Variants in SLCO3A1 observed in about 807,000 individuals in gnomAD.
SLCO3A1 encodes the protein PGE1 transporter.
A neutral mutation model predicts 63.1 loss-of-function variants in SLCO3A1; 27 were observed. That is an observed-to-expected ratio of 0.43 (90% CI 0.32 to 0.59). The LOEUF is 0.59. Among genes scored for constraint, SLCO3A1 ranks in the 20% least tolerant of loss-of-function variants. The pLI is 0.09. For missense variants in SLCO3A1, 773 were observed against 945.8 expected, an observed-to-expected ratio of 0.82 and a Z score of 2.40; for synonymous variants, 473 against 409.9, an observed-to-expected ratio of 1.15 and a Z score of -1.86.
At chr15:92,011,166 C>G (rs1382583236) in intron 2 of SLCO3A1, among the ~76,000 whole-genome samples, 2 of 152,328 alleles carry the variant, frequency 1.3e-5, no homozygotes, top group East Asian at 1.9e-4. Flanking sequence ...CGGGCAGGGT[C>G]CTATCCCATG....
rs772562559 is a variant in SLCO3A1, at chr15:91,916,245, G to C, written c.433G>C (p.Glu145Gln). The part of the protein sequence containing the change: ...YEAGEIRWGA[E>Q]GRDVCAANGS... ...GGCGGGCGAGATCCGCTGGGGCGCC[G>C]AGGGCCGCGACGTCTGCGCAGCCAA... is the stretch of plus-strand genomic sequence containing the variant. The change falls in exon 2 of 10, where the codon GAG (glutamate) becomes CAG (glutamine). Residue 145 changes from glutamate (E) to glutamine (Q), a missense_variant. Glu to Gln is a conservative substitution (Grantham distance 29). This residue lies in a region of SLCO3A1 where 565 missense variants were observed against 749.8 expected (regional missense o/e 0.75). Coordinates refer to ENST00000318445, the MANE Select transcript of SLCO3A1 (RefSeq NM_013272.4). The surrounding 1 kb of genome is among the most constrained non-coding windows in gnomAD (Gnocchi z 6.2). 1 of 1,566,364 alleles carries C rather than the reference G, an allele frequency of 6.4e-7. No homozygotes were observed. Among genetic ancestry groups the C allele is most frequent in the East Asian group, 2.4e-5 (1 of 41,950 alleles).
intron 2 of SLCO3A1, among the ~76,000 whole-genome samples, chr15:92,053,914 G>A (rs1013406873): frequency 6.6e-6 from 1 of 151,964 alleles, no homozygotes; most frequent in Non-Finnish European, 1.5e-5. Flanking sequence ...AGGAAGTCAC[G>A]GTGTGCAGCC....
chr15:91,946,712 A>G (rs1476701619), intron 2 of SLCO3A1, among the ~76,000 whole-genome samples: 5 of 152,176 alleles, frequency 3.3e-5, no homozygotes, highest in Admixed American at 3.3e-4. Context: ...TATGTCTATG[A>G]TGCAGTTACA....
intron 4 of SLCO3A1, among the ~76,000 whole-genome samples, chr15:92,109,186 G>T (rs559816507): frequency 9.2e-5 from 14 of 152,134 alleles, no homozygotes; most frequent in African/African-American, 3.4e-4. Flanking sequence ...AGGAGGCATC[G>T]GTACCACTTA....
At chr15:92,117,488 A>G (rs888318839) in intron 4 of SLCO3A1, among the ~76,000 whole-genome samples, 4 of 152,198 alleles carry the variant, frequency 2.6e-5, no homozygotes, top group African/African-American at 7.2e-5. Context: ...GACATTGGCA[A>G]TGTTTCCAGA....
chr15:91,991,575 C>T (rs924995595), intron 2 of SLCO3A1, among the ~76,000 whole-genome samples: 13 of 152,056 alleles, frequency 8.5e-5, no homozygotes, highest in Admixed American at 8.5e-4. Context: ...TTCTAGTAGC[C>T]ATGTTTCAAA....
intron 1 of SLCO3A1, among the ~76,000 whole-genome samples, chr15:91,913,334 A>G (rs1898543285): frequency 6.6e-6 from 1 of 152,210 alleles, no homozygotes; most frequent in African/African-American, 2.4e-5. Flanking sequence ...GACCCCCAAT[A>G]ATGGGTGTCA....
intron 2 of SLCO3A1, among the ~76,000 whole-genome samples, chr15:92,038,021 C>T (rs1597246951): frequency 6.6e-6 from 1 of 152,286 alleles, no homozygotes; most frequent in Middle Eastern, 3.4e-3. Context: ...GTGCTCCTTA[C>T]TAAAATGATT....
chr15:91,924,766 G>T (rs2056635874), intron 2 of SLCO3A1, among the ~76,000 whole-genome samples: 1 of 152,152 alleles, frequency 6.6e-6, no homozygotes, highest in African/African-American at 2.4e-5. Flanking sequence ...TCCCAGGATT[G>T]GAAAGAAATG....
At chr15:91,975,505 TGA>T (rs1901068640) in intron 2 of SLCO3A1, among the ~76,000 whole-genome samples, 1 of 152,176 alleles carries the variant, frequency 6.6e-6, no homozygotes, top group Admixed American at 6.5e-5. Flanking sequence ...ACACACTTGG[TGA>T]GAGCCCTGCT....
At chr15:92,085,760 C>G (rs111971263) in intron 2 of SLCO3A1, among the ~76,000 whole-genome samples, 7 of 152,338 alleles carry the variant, frequency 4.6e-5, no homozygotes, top group East Asian at 1.9e-4. Flanking sequence ...ATCTCCTCCC[C>G]ACCTGTCCCC....
At chr15:91,997,984 A>G (rs1457943362) in intron 2 of SLCO3A1, among the ~76,000 whole-genome samples, 1 of 152,248 alleles carries the variant, frequency 6.6e-6, no homozygotes, top group Non-Finnish European at 1.5e-5. Flanking sequence ...ATCAAAAGCA[A>G]TTGAAACAAA....
At chr15:91,922,196 G>GCA (rs71156620) in intron 2 of SLCO3A1, among the ~76,000 whole-genome samples, 2 of 151,320 alleles carry the variant, frequency 1.3e-5, no homozygotes, top group South Asian at 2.1e-4. Context: ...GCGCGTGCAC[G>GCA]CACACACACA....
At chr15:91,957,128 A>AC (rs368059887) in intron 2 of SLCO3A1, among the ~76,000 whole-genome samples, 1 of 23,228 alleles carries the variant, frequency 4.3e-5, no homozygotes, top group African/African-American at 3.1e-4. Context: ...TATATATAAT[A>AC]TATATACTAT....
intron 2 of SLCO3A1, among the ~76,000 whole-genome samples, chr15:92,067,758 G>A (rs2047168553): frequency 6.6e-6 from 1 of 152,088 alleles, no homozygotes; most frequent in Admixed American, 6.5e-5. Flanking sequence ...ACCTATGTTA[G>A]TCCTTTTGGG....
intron 2 of SLCO3A1, among the ~76,000 whole-genome samples, chr15:91,955,027 G>A (rs115843950): frequency 0.034 from 5,231 of 152,018 alleles, 295 homozygotes; most frequent in African/African-American, 0.12. Context: ...TCACCTTGTC[G>A]TCCTCTGCCT....
intron 4 of SLCO3A1, among the ~76,000 whole-genome samples, chr15:92,115,937 G>C (rs1296026762): frequency 6.7e-6 from 1 of 150,224 alleles, no homozygotes; most frequent in African/African-American, 2.5e-5. Flanking sequence ...TTATTTCTTA[G>C]AATTAAGCTG....
chr15:92,108,681 A>C (rs987849507), intron 4 of SLCO3A1, among the ~76,000 whole-genome samples: 13 of 152,136 alleles, frequency 8.5e-5, no homozygotes, highest in African/African-American at 2.9e-4. Flanking sequence ...CTGCAGCCGC[A>C]TGTCCATCTG....
chr15:92,130,995 A>G (rs2047988698), intron 7 of SLCO3A1, among the ~76,000 whole-genome samples: 1 of 150,372 alleles, frequency 6.7e-6, no homozygotes, highest in Non-Finnish European at 1.5e-5. Context: ...GAGTTCAGCC[A>G]TTTTCCCTGG....
Sources: gnomAD v4.1 joint callset for allele counts (sites outside exome capture counted in the v4.1 genomes callset) on GRCh38, gnomAD v4.1.1 for gene constraint, gnomAD v4.1.1 regional missense constraint, Gnocchi (gnomAD v3.1) non-coding constraint, MANE v1.5 for transcripts, NCBI Gene and HGNC (gene_info 2026-07-23, HGNC 2026-07-21) for gene names.